PAQR5: variants seen among roughly 807,000 people sequenced by gnomAD.
The protein encoded by PAQR5 is progestin and adipoQ receptor family member 5.
PAQR5 carries 20 observed loss-of-function variants against 34.5 expected under a neutral mutation model. The ratio of observed to expected loss-of-function variants is 0.58; its 90% CI spans 0.41 to 0.84. PAQR5 has a LOEUF of 0.84. Ranked by LOEUF, PAQR5 falls within the 40% of genes least tolerant of loss-of-function variation. The pLI is 0.00. For missense variants in PAQR5, 378 were observed against 412.7 expected (o/e 0.92, Z 0.73); for synonymous variants, 131 against 155.6 (o/e 0.84, Z 1.18).
At position 69,331,521 on chromosome 15, in the gene PAQR5, G is replaced by A. The variant is rs183769188; in HGVS notation, c.-276-5820G>A. 1.5e-3 allele frequency among the ~76,000 whole-genome samples: 225 copies of A among 152,238 alleles called. 1 individual carries two copies. The highest frequency in any genetic ancestry group is 0.01 in the Middle Eastern group (3 of 294). On this transcript the variant is annotated intron_variant, in intron 1 of 8. Coordinates refer to ENST00000395407, the MANE Select transcript of PAQR5 (RefSeq NM_017705.4). ...TCTGTGTATGTGGAAGGGATCTCAG[G>A]AGAGGTTGCTAATGGAAGTCCAGCA...
chr15:69,319,170 TATATATATATATATATA>T (rs1566995779), intron 1 of PAQR5, among the ~76,000 whole-genome samples: 12,180 of 135,032 alleles, frequency 0.09, 821 homozygotes, highest in East Asian at 0.23. Context: ...TATATATATA[TATATATATATATATATA>T]TATATATATA....
chr15:69,318,470 G>A (rs372444430), intron 1 of PAQR5, among the ~76,000 whole-genome samples: 1 of 152,166 alleles, frequency 6.6e-6, no homozygotes, highest in East Asian at 1.9e-4. Flanking sequence ...TCCTCAGAAA[G>A]ATGGGGTTCT....
chr15:69,397,955 C>T (rs1479585025), intron 7 of PAQR5, among the ~76,000 whole-genome samples: 4 of 152,114 alleles, frequency 2.6e-5, no homozygotes, highest in Non-Finnish European at 5.9e-5. Flanking sequence ...GGCTCGGGAA[C>T]GTCATAGAAC....
intron 7 of PAQR5, among the ~76,000 whole-genome samples, chr15:69,399,053 C>T (rs945335209): frequency 6.6e-6 from 1 of 152,188 alleles, no homozygotes; most frequent in Non-Finnish European, 1.5e-5. Flanking sequence ...CTGCTGCCCT[C>T]GGTAAGTGGT....
chr15:69,358,582 C>T (rs2055141870), intron 2 of PAQR5, among the ~76,000 whole-genome samples: 1 of 149,894 alleles, frequency 6.7e-6, no homozygotes, highest in Non-Finnish European at 1.5e-5. Flanking sequence ...TCATGTGTAA[C>T]ATGAGAAGAC....
intron 3 of PAQR5, among the ~76,000 whole-genome samples, chr15:69,372,959 G>T (rs2055603968): frequency 6.6e-6 from 1 of 152,158 alleles, no homozygotes; most frequent in Non-Finnish European, 1.5e-5. Flanking sequence ...TCTGACATGG[G>T]TCTCACTGGG....
At chr15:69,334,411 T>C (rs183471529) in intron 1 of PAQR5, among the ~76,000 whole-genome samples, 15 of 152,356 alleles carry the variant, frequency 9.8e-5, no homozygotes, top group African/African-American at 3.6e-4. Context: ...TAAGGTCAGG[T>C]ATCAGATTTG....
intron 1 of PAQR5, among the ~76,000 whole-genome samples, chr15:69,322,160 TAAAAA>T (rs34094930): frequency 8.3e-6 from 1 of 120,862 alleles, no homozygotes. Context: ...ACCCCATTTC[TAAAAA>T]AAAAAAAAAA....
At position 69,339,665 on chromosome 15, in the gene PAQR5, G is replaced by A. The variant is rs760288034; in HGVS notation, c.-116+2164G>A. 5.3e-5 allele frequency among the ~76,000 whole-genome samples: 8 copies of A among 152,080 alleles called. 1 individual carries two copies. The highest frequency in any genetic ancestry group is 1.3e-4 in the Admixed American group (2 of 15,272). ...TTTTGTATTTTTTATTACAGACAGG[G>A]TTTCACCATGTTGTCCAGGCTGATC... On this transcript the variant is annotated intron_variant, in intron 2 of 8. Transcript: ENST00000395407.
chr15:69,389,513 G>A, intron 5 of PAQR5, 141 bp from the exon 6 acceptor site: 1 of 1,019,052 alleles, frequency 9.8e-7, no homozygotes. Context: ...ATCCTAGAAG[G>A]GGGAATGGCA....
chr15:69,336,043 G>A (rs1461897783), intron 1 of PAQR5, among the ~76,000 whole-genome samples: 1 of 152,240 alleles, frequency 6.6e-6, no homozygotes, highest in Admixed American at 6.5e-5. Context: ...AAAAGGAGGA[G>A]AGAGAGAAAG....
chr15:69,393,208 C>T (rs1168187115), intron 6 of PAQR5, among the ~76,000 whole-genome samples: 2 of 151,976 alleles, frequency 1.3e-5, no homozygotes, highest in East Asian at 3.9e-4. Context: ...CTTTGTACCT[C>T]GTCCTCGCTC....
chr15:69,336,413 TA>T (rs1428982243), intron 1 of PAQR5, among the ~76,000 whole-genome samples: 1 of 152,216 alleles, frequency 6.6e-6, no homozygotes, highest in African/African-American at 2.4e-5. Context: ...TATATTTGTG[TA>T]AATGTATTAT....
At chr15:69,300,609 CTTTCTTTCT>C (rs2053521765) in intron 1 of PAQR5, among the ~76,000 whole-genome samples, 1 of 48,678 alleles carries the variant, frequency 2.1e-5, no homozygotes, top group Non-Finnish European at 4.8e-5. Flanking sequence ...TTCTTTCTTT[CTTTCTTTCT>C]TTCTTTCTTT....
intron 3 of PAQR5, among the ~76,000 whole-genome samples, chr15:69,367,193 C>A (rs1371582447): frequency 6.6e-6 from 1 of 151,682 alleles, no homozygotes; most frequent in Non-Finnish European, 1.5e-5. Context: ...TTTTCATTGT[C>A]TTAAATGCTT....
At chr15:69,333,485 C>T (rs531408950) in intron 1 of PAQR5, among the ~76,000 whole-genome samples, 248 of 152,292 alleles carry the variant, frequency 1.6e-3, no homozygotes, top group Non-Finnish European at 3.0e-3. Flanking sequence ...ATCAGAGACG[C>T]ATGCTCTCGG....
chr15:69,323,312 TC>T (rs1450469509), intron 1 of PAQR5, among the ~76,000 whole-genome samples: 1 of 152,202 alleles, frequency 6.6e-6, no homozygotes, highest in Admixed American at 6.5e-5. Context: ...GTGAGAGTGC[TC>T]CCACCAGCCT....
intron 8 of PAQR5, among the ~76,000 whole-genome samples, chr15:69,402,779 A>G (rs2056673981): frequency 6.6e-6 from 1 of 152,238 alleles, no homozygotes; most frequent in Non-Finnish European, 1.5e-5. Flanking sequence ...CATTCAGCCC[A>G]TAACACATGT....
Position 69,335,858 on chromosome 15 carries a change from G to T in PAQR5, c.-276-1483G>T, listed in dbSNP as rs546445419. Among the ~76,000 whole-genome samples the T allele has an allele frequency of 2.0e-5, 3 of 152,236 alleles. No individual in the cohort carries two copies. In the East Asian group the frequency reaches 5.8e-4, roughly 29 times the overall value. ...TTATAAAAATCTTACCTTATGGTCA[G>T]ACTAATTACAACTGGATCGAGATAT... On this transcript the variant is annotated intron_variant, in intron 1 of 8. Transcript: ENST00000395407.
Sources: allele counts gnomAD v4.1 joint callset (sites outside exome capture counted in the v4.1 genomes callset), GRCh38; gene constraint gnomAD v4.1.1; transcripts MANE v1.5; gene names NCBI Gene and HGNC (gene_info 2026-07-23, HGNC 2026-07-21).